Variants in CTBP1 observed in about 807,000 individuals in gnomAD.
CTBP1 encodes C-terminal-binding protein 1.
Under a neutral mutation model 42.1 loss-of-function variants are expected in CTBP1, and 11 were observed. That is an observed-to-expected ratio of 0.26 (90% confidence interval 0.16 to 0.43). The LOEUF (loss-of-function observed/expected upper bound fraction) is 0.43, where lower values mean the gene tolerates loss of function less well. CTBP1 is among the 20% of genes least tolerant of loss of function. The pLI, the probability that CTBP1 is intolerant of heterozygous loss-of-function variation, is 1.00. For synonymous variants in CTBP1, 324 were observed against 277.1 expected (o/e 1.17, Z -1.68); for missense variants, 399 against 624.3 (o/e 0.64, Z 3.85).
chr4:1,247,534 A>AG (rs1310045362), intron 1 of CTBP1, among the ~76,000 whole-genome samples: 5 of 152,108 alleles, frequency 3.3e-5, no homozygotes, highest in Non-Finnish European at 7.4e-5. Flanking sequence ...GGACACAGAA[A>AG]GGGGGACCCC....
At chr4:1,237,214 C>T (rs1487218743) in intron 3 of CTBP1, 10 of 660,812 alleles carry the variant, frequency 1.5e-5, no homozygotes, top group East Asian at 1.4e-4. Context: ...GGGCACAGGG[C>T]AAACCGAGTG....
intron 4 of CTBP1, among the ~76,000 whole-genome samples, chr4:1,227,386 T>C (rs544690136): frequency 1.4e-5 from 2 of 147,530 alleles, no homozygotes; most frequent in African/African-American, 2.5e-5. Context: ...CGGCTGCAGA[T>C]GTGCGTGTTC....
Position 1,213,013 on chromosome 4 carries a change from G to C in CTBP1, c.1006C>G (p.Leu336Val), listed in dbSNP as rs1437477957. 1 of 1,613,894 alleles carries C rather than the reference G, an allele frequency of 6.2e-7. No individual in the cohort carries two copies. The highest frequency in any genetic ancestry group is 8.5e-7 in the Non-Finnish European group (1 of 1,179,964). Residue 336 changes from leucine to valine, a missense_variant, in exon 9 of 10, where the codon CTG becomes GTG. Physicochemically the swap from Leu to Val is conservative, Grantham distance 32. Coordinates refer to ENST00000382952, the MANE Select transcript of CTBP1 (RefSeq NM_001012614.2). ...RAITGRIPDS[L>V]KNCVNKDHLT... Reference sequence around the variant, plus strand: ...TGGTCCTTGTTGACACAGTTCTTCAGGCTGTCTGGGATCCGGCCTGGGAGA... The same window carrying C: ...TGGTCCTTGTTGACACAGTTCTTCACGCTGTCTGGGATCCGGCCTGGGAGA...
chr4:1,234,085 CTCAA>C (rs1458782834), intron 3 of CTBP1, among the ~76,000 whole-genome samples: 1 of 152,208 alleles, frequency 6.6e-6, no homozygotes, highest in Non-Finnish European at 1.5e-5. Context: ...TGTTCTGGAG[CTCAA>C]TCCTTTGGCC....
rs1051319881 is a variant in CTBP1 at position 1,212,399 on chromosome 4, C to T, written c.1131G>A (p.Val377=). 6 of 1,471,604 alleles carry T rather than the reference C, an allele frequency of 4.1e-6. No homozygotes were observed. Among genetic ancestry groups the T allele is most frequent in the East Asian group, 5.5e-5 (2 of 36,614 alleles). The allele number at this position is 1,471,604 out of a possible 1,614,324, so 91.2% of individuals were successfully genotyped here. ...AYRYPPGVVG[V]APTGIPAAVE... The stretch of plus-strand genomic sequence containing the variant: ...CAGCAGCTGGGATGCCAGTGGGGGC[C>T]ACGCCCACCACGCCCGGAGGGTACC... The change falls in exon 10 of 10, where the codon GTG becomes GTA. Residue 377 remains valine (V), a synonymous_variant. Transcript: ENST00000382952.
intron 3 of CTBP1, among the ~76,000 whole-genome samples, chr4:1,232,136 T>C (rs1274180127): frequency 1.3e-5 from 2 of 152,216 alleles, no homozygotes; most frequent in East Asian, 1.9e-4. Context: ...CTTGACCTCC[T>C]AGGCTGAAGC....
rs749275362 is a variant in CTBP1, at chr4:1,213,047, G to A, written c.989-17C>T. 1.2e-6 allele frequency: 2 copies of A among 1,610,818 alleles called. No individual in the cohort carries two copies. Among genetic ancestry groups the A allele is most frequent in the East Asian group, 2.2e-5 (1 of 44,860 alleles). ...GGATCCGGCCTGGGAGATGCAGGAG[G>A]AAGGAACAGCTGTGGCTCTGAGGGG... On this transcript the variant is annotated splice_polypyrimidine_tract_variant and intron_variant, in intron 8 of 9. Coordinates refer to ENST00000382952, the MANE Select transcript of CTBP1 (RefSeq NM_001012614.2).
rs765360395 is a variant in CTBP1, at chr4:1,212,015, ACTT to A, written c.*222_*224del. The A allele has an allele frequency of 4.0e-4, 158 of 392,876 alleles. No homozygotes were observed. Among genetic ancestry groups the A allele is most frequent in the Middle Eastern group, 1.3e-3 (2 of 1,594 alleles). The allele number at this position is 392,876 out of a possible 1,614,324, so 24.3% of individuals were successfully genotyped here. A position where few individuals can be genotyped will look rare whatever the true frequency, so the allele number is the denominator to read the frequency against. ...AACGTTCATGGGAGAATAACTACTG[ACTT>A]CTTCTGCTTAACGAGGAACGCGAAG... On this transcript the variant is annotated 3_prime_UTR_variant, in exon 10 of 10. Coordinates refer to ENST00000382952, the MANE Select transcript of CTBP1 (RefSeq NM_001012614.2).
intron 1 of CTBP1, chr4:1,245,148 C>T (rs1560287067): frequency 1.4e-5 from 14 of 985,416 alleles, no homozygotes; most frequent in South Asian, 9.4e-5. Flanking sequence ...ATCCACGAGC[C>T]GATACGGCAC....
intron 1 of CTBP1, 24 bp downstream of exon 1, chr4:1,248,892 A>T (rs1733066109): frequency 3.4e-6 from 2 of 591,308 alleles, no homozygotes; most frequent in Non-Finnish European, 2.1e-6. Flanking sequence ...CCGCGGCCGG[A>T]AACGCGCGCG....
At chr4:1,244,268 A>C in intron 1 of CTBP1, 1 of 982,984 alleles carries the variant, frequency 1.0e-6, no homozygotes, top group Non-Finnish European at 1.2e-6. Flanking sequence ...TGGTCTGGAG[A>C]GGGACCGGGT....
chr4:1,242,132 C>T (rs1294290247), intron 1 of CTBP1: 16 of 985,342 alleles, frequency 1.6e-5, no homozygotes, highest in Non-Finnish European at 1.8e-5. Flanking sequence ...TCTTCCTGAC[C>T]GCTACGGCCA....
At chr4:1,228,118 G>A (rs1255543299) in intron 4 of CTBP1, 81 bp downstream of exon 4, 2 of 1,555,324 alleles carry the variant, frequency 1.3e-6, no homozygotes, top group East Asian at 4.5e-5. Flanking sequence ...CCTCAGTGTG[G>A]CAGTGAAGCC....
intron 5 of CTBP1, among the ~76,000 whole-genome samples, chr4:1,222,788 G>C (rs888056098): frequency 6.6e-6 from 1 of 152,148 alleles, no homozygotes; most frequent in South Asian, 2.1e-4. Context: ...GCCTCAGAGT[G>C]GCCACGGGAA....
Position 1,238,413 on chromosome 4 carries a change from G to A in CTBP1, c.8-76C>T. On this transcript the variant is annotated intron_variant, in intron 2 of 9. Transcript: ENST00000382952. The surrounding 1 kb of genome is among the most constrained non-coding windows in gnomAD (Gnocchi z 5.9). ...TACAACCCACTCCACGCCACCCACTGTGCACGGGCCAACGAGGGCCGACCG... is the reference window on the plus strand; with the variant it reads ...TACAACCCACTCCACGCCACCCACTATGCACGGGCCAACGAGGGCCGACCG... The A allele has an allele frequency of 1.4e-6, 2 of 1,471,630 alleles. No homozygotes were observed. Among genetic ancestry groups the A allele is most frequent in the East Asian group, 2.3e-5 (1 of 43,638 alleles). The allele number at this position is 1,471,630 out of a possible 1,614,324, so 91.2% of individuals were successfully genotyped here.
intron 4 of CTBP1, among the ~76,000 whole-genome samples, chr4:1,226,368 G>T (rs1419660982): frequency 6.6e-6 from 1 of 152,150 alleles, no homozygotes; most frequent in Non-Finnish European, 1.5e-5. Flanking sequence ...GGGGCAGGAG[G>T]CCAGGACAGG....
intron 1 of CTBP1, chr4:1,242,763 T>C (rs1421139297): frequency 3.0e-6 from 3 of 985,260 alleles, no homozygotes; most frequent in Non-Finnish European, 3.6e-6. Flanking sequence ...CTGCCCTGAA[T>C]GCCAGATCTC....
At chr4:1,215,940 A>T (rs769161413) in intron 6 of CTBP1, 51 bp downstream of exon 6, 7 of 1,546,116 alleles carry the variant, frequency 4.5e-6, no homozygotes, top group Non-Finnish European at 6.1e-6. Context: ...TGACACCCCC[A>T]CCTGTACCTG....
chr4:1,246,601 C>T (rs916855161), intron 1 of CTBP1, among the ~76,000 whole-genome samples: 3 of 152,342 alleles, frequency 2.0e-5, no homozygotes, highest in Admixed American at 2.0e-4. Context: ...CAGCCACACG[C>T]CTCTTGGCTC....
Sources: gnomAD v4.1 joint callset for allele counts (sites outside exome capture counted in the v4.1 genomes callset) on GRCh38, gnomAD v4.1.1 for gene constraint, Gnocchi (gnomAD v3.1) non-coding constraint, MANE v1.5 for transcripts, NCBI Gene and HGNC (gene_info 2026-07-23, HGNC 2026-07-21) for gene names.